The following AGAP1 variants were observed in gnomAD, a reference collection of about 807,000 sequenced individuals.
The protein encoded by AGAP1 is arf-GAP with GTPase, ANK repeat and PH domain-containing protein 1.
A neutral mutation model predicts 105.3 loss-of-function variants in AGAP1; 29 were observed. That is an observed-to-expected ratio of 0.28 (90% confidence interval 0.21 to 0.38). The LOEUF (loss-of-function observed/expected upper bound fraction) is 0.38, where lower values mean the gene tolerates loss of function less well. Ranked by LOEUF, AGAP1 falls within the 10% of genes least tolerant of loss-of-function variation. The probability of loss-of-function intolerance (pLI) is 1.00; values close to 1 mark genes in which losing one functional copy is unlikely to be tolerated. For missense variants in AGAP1, 998 were observed against 1,165.1 expected, an observed-to-expected ratio of 0.86 and a Z score of 2.09; for synonymous variants, 509 against 485.9, an observed-to-expected ratio of 1.05 and a Z score of -0.63.
chr2:236,007,301 ACCAG>A (rs1388089865), intron 13 of AGAP1, among the ~76,000 whole-genome samples: 1 of 152,228 alleles, frequency 6.6e-6, no homozygotes, highest in African/African-American at 2.4e-5. Flanking sequence ...AGATATTTTC[ACCAG>A]TCTTCAGTTC....
chr2:235,913,822 A>T (rs2125068233), intron 11 of AGAP1, among the ~76,000 whole-genome samples: 1 of 152,334 alleles, frequency 6.6e-6, no homozygotes, highest in East Asian at 1.9e-4. Flanking sequence ...AATAAAAATA[A>T]TTCTATCATG....
rs540496757 is a variant in AGAP1 at position 235,729,309 on chromosome 2, C to T, written c.311-11654C>T. Among the ~76,000 whole-genome samples, 96 of 152,278 alleles carry T rather than the reference C, an allele frequency of 6.3e-4. 1 individual carries two copies. Among genetic ancestry groups the T allele is most frequent in the African/African-American group, 1.8e-3 (74 of 41,528 alleles). ...TTTGGGCCGTCTAGAACCATGTGAC[C>T]TGGCAGCCACTTCAACTTGGGCAGC... On this transcript the variant is annotated intron_variant, in intron 3 of 17. Coordinates refer to ENST00000304032, the MANE Select transcript of AGAP1 (RefSeq NM_001037131.3). This position sits in a 1 kb window ranked among gnomAD's most constrained non-coding sequence, Gnocchi z 5.0.
chr2:236,097,995 G>T (rs1253339554), intron 16 of AGAP1, among the ~76,000 whole-genome samples: 1 of 152,158 alleles, frequency 6.6e-6, no homozygotes, highest in Non-Finnish European at 1.5e-5. Context: ...TAGAATTTCT[G>T]TCCCTGAATA....
chr2:235,687,895 C>T (rs1575132949), intron 1 of AGAP1, among the ~76,000 whole-genome samples: 1 of 106,366 alleles, frequency 9.4e-6, no homozygotes. Context: ...TCGCCGCTCT[C>T]TGACTTTTTT....
rs1005329067 is a variant in AGAP1 at position 235,553,944 on chromosome 2, C to G, written c.163+59095C>G. On this transcript the variant is annotated intron_variant, in intron 1 of 17. Transcript: ENST00000304032. This position sits in a 1 kb window ranked among gnomAD's most constrained non-coding sequence, Gnocchi z 4.5. ...GGTGCGGCGTGTGCCAAGACCAGCCCTCTGAGGTCAGCCCTCCTGGACCCC... is the reference window on the plus strand; with the variant it reads ...GGTGCGGCGTGTGCCAAGACCAGCCGTCTGAGGTCAGCCCTCCTGGACCCC... Among the ~76,000 whole-genome samples the G allele has an allele frequency of 6.6e-6, 1 of 152,252 alleles. No individual in the cohort carries two copies.
intron 1 of AGAP1, among the ~76,000 whole-genome samples, chr2:235,502,869 A>G (rs553148646): frequency 6.6e-6 from 1 of 152,274 alleles, no homozygotes; most frequent in South Asian, 2.1e-4. Flanking sequence ...GCTTAGGACG[A>G]AGCTACTGTT....
intron 1 of AGAP1, among the ~76,000 whole-genome samples, chr2:235,545,383 T>G (rs1189442246): frequency 6.6e-6 from 1 of 152,176 alleles, no homozygotes; most frequent in Non-Finnish European, 1.5e-5. Context: ...AGTGCCTCCC[T>G]CCTAGTCACA....
intron 1 of AGAP1, among the ~76,000 whole-genome samples, chr2:235,595,057 G>A (rs187283138): frequency 4.6e-5 from 7 of 152,268 alleles, no homozygotes; most frequent in African/African-American, 1.7e-4. Flanking sequence ...TGAGGCGGGT[G>A]TGGCGCCAGA....
chr2:235,764,679 T>C (rs35875609), intron 6 of AGAP1, among the ~76,000 whole-genome samples: 19,910 of 111,020 alleles, frequency 0.18, 875 homozygotes, highest in East Asian at 0.24. Flanking sequence ...GGTGGGGGCA[T>C]CTGGGAGCGC....
In AGAP1 at chr2:235,744,701, G is replaced by A. The variant is rs1396756564; in HGVS notation, c.400G>A (p.Ala134Thr). The A allele has an allele frequency of 6.2e-7, 1 of 1,613,834 alleles. No individual in the cohort carries two copies. The highest frequency in any genetic ancestry group is 1.3e-5 in the African/African-American group (1 of 74,858). The change falls in exon 5 of 18, where the codon GCC becomes ACC. Residue 134 changes from alanine (A) to threonine (T), a missense_variant. Coordinates refer to ENST00000304032, the MANE Select transcript of AGAP1 (RefSeq NM_001037131.3). This position sits in a 1 kb window ranked among gnomAD's most constrained non-coding sequence, Gnocchi z 5.2. ...CCTCCCCTTCTTCTCTCCCTAGTTT[G>A]CCATGTGGGTGGACGCTGTTATATT... ...DEGGPPEAQF[A>T]MWVDAVIFVF...
chr2:235,594,126 GAGA>G (rs1341937990), intron 1 of AGAP1, among the ~76,000 whole-genome samples: 1 of 152,156 alleles, frequency 6.6e-6, no homozygotes, highest in Non-Finnish European at 1.5e-5. Context: ...AGTGGAGATT[GAGA>G]TGTTAAATAG....
At chr2:236,037,121 C>T (rs2057406071) in intron 14 of AGAP1, 1 of 183,328 alleles carries the variant, frequency 5.5e-6, no homozygotes, top group African/African-American at 2.4e-5. Flanking sequence ...AGTTGGAAAA[C>T]CGTCTCTTGT....
At chr2:236,097,341 G>C (rs2059215958) in intron 16 of AGAP1, among the ~76,000 whole-genome samples, 1 of 127,242 alleles carries the variant, frequency 7.9e-6, no homozygotes, top group Admixed American at 8.3e-5. Context: ...TTTTTTAACT[G>C]TCATGAAATA....
At chr2:235,795,363 C>G (rs1957197294) in intron 6 of AGAP1, among the ~76,000 whole-genome samples, 2 of 152,200 alleles carry the variant, frequency 1.3e-5, no homozygotes, top group Admixed American at 1.3e-4. Context: ...AAATTTGTGG[C>G]TATTTGCAGC....
chr2:235,766,326 A>G (rs908226221), intron 6 of AGAP1, among the ~76,000 whole-genome samples: 2 of 152,230 alleles, frequency 1.3e-5, no homozygotes, highest in East Asian at 1.9e-4. Context: ...GGTCTGAGCT[A>G]GAAGGACCGT....
At position 235,967,142 on chromosome 2, in the gene AGAP1, A is replaced by G. The variant is rs1251021358; in HGVS notation, c.1484-1320A>G. 6.6e-6 allele frequency among the ~76,000 whole-genome samples: 1 copy of G among 150,532 alleles called. No individual in the cohort carries two copies. The highest frequency in any genetic ancestry group is 1.5e-5 in the Non-Finnish European group (1 of 67,590). On this transcript the variant is annotated intron_variant, in intron 12 of 17. Coordinates refer to ENST00000304032, the MANE Select transcript of AGAP1 (RefSeq NM_001037131.3). This position sits in a 1 kb window ranked among gnomAD's most constrained non-coding sequence, Gnocchi z 4.7. ...CCTTCCGCAGGCCTCTCCCACCCAC[A>G]CCGGCCACCGCCACTCGGGCCCCCT... is the stretch of plus-strand genomic sequence containing the variant.
At chr2:235,636,141 A>C (rs1364203401) in intron 1 of AGAP1, among the ~76,000 whole-genome samples, 3 of 151,346 alleles carry the variant, frequency 2.0e-5, no homozygotes, top group Non-Finnish European at 3.0e-5. Context: ...ATAAATAAAT[A>C]AATAAATAAA....
At chr2:235,731,715 A>G (rs1028173543) in intron 3 of AGAP1, among the ~76,000 whole-genome samples, 3 of 152,186 alleles carry the variant, frequency 2.0e-5, no homozygotes, top group Non-Finnish European at 2.9e-5. Flanking sequence ...ACGTTTCAGG[A>G]AGCTGACAGC....
At chr2:235,699,679 A>G (rs1260653788) in intron 1 of AGAP1, among the ~76,000 whole-genome samples, 1 of 152,230 alleles carries the variant, frequency 6.6e-6, no homozygotes, top group African/African-American at 2.4e-5. Flanking sequence ...TTTGGTTTTG[A>G]GAGCCACAGT....
Sources: allele counts gnomAD v4.1 joint callset (sites outside exome capture counted in the v4.1 genomes callset), GRCh38; gene constraint gnomAD v4.1.1; non-coding constraint Gnocchi (gnomAD v3.1); transcripts MANE v1.5; gene names NCBI Gene and HGNC (gene_info 2026-07-23, HGNC 2026-07-21).